Variants in GPC3 observed in about 807,000 individuals in gnomAD.
GPC3 encodes the protein glypican-3.
GPC3 carries 3 observed loss-of-function variants against 34.4 expected under a neutral mutation model. The observed-to-expected ratio is 0.09, with a 90% CI of 0.04 to 0.23. The LOEUF (loss-of-function observed/expected upper bound fraction) is 0.23. Ranked by LOEUF, GPC3 falls within the 10% of genes least tolerant of loss-of-function variation. GPC3 has a pLI of 1.00. For missense variants in GPC3, 351 were observed against 445.6 expected (o/e 0.79, Z 1.91); for synonymous variants, 177 against 174.0 (o/e 1.02, Z -0.13).
At chrX:133,833,125 T>C (rs781610192) in intron 2 of GPC3, among the ~76,000 whole-genome samples, 36 of 112,228 alleles carry the variant, frequency 3.2e-4, no homozygotes, top group African/African-American at 1.0e-3. Context: ...AGATATGTTT[T>C]TTCAGGAGGG....
chrX:133,658,007 G>A (rs961529331), intron 6 of GPC3, among the ~76,000 whole-genome samples: 2 of 110,773 alleles, frequency 1.8e-5, no homozygotes, highest in African/African-American at 6.6e-5. Flanking sequence ...ATGCAGCACC[G>A]AGCAAGGGGC....
chrX:133,908,830 A>G (rs1424097181), intron 2 of GPC3, among the ~76,000 whole-genome samples: 2 of 112,057 alleles, frequency 1.8e-5, no homozygotes, highest in African/African-American at 3.2e-5. Context: ...GCCAAGTCAC[A>G]TCTCTCATAT....
intron 1 of GPC3, among the ~76,000 whole-genome samples, chrX:133,981,397 G>A (rs1472793614): frequency 3.6e-5 from 4 of 111,852 alleles, no homozygotes; most frequent in Non-Finnish European, 7.5e-5. Flanking sequence ...TCAGCCCAAG[G>A]TGCCCCACCA....
intron 6 of GPC3, among the ~76,000 whole-genome samples, chrX:133,660,955 G>A (rs1187351719): frequency 9.0e-6 from 1 of 111,342 alleles, no homozygotes; most frequent in Non-Finnish European, 1.9e-5. Flanking sequence ...GATTGCTTGA[G>A]CCCAGGAGTT....
chrX:133,836,992 G>A (rs946737149), intron 2 of GPC3, among the ~76,000 whole-genome samples: 8 of 111,821 alleles, frequency 7.2e-5, no homozygotes, highest in African/African-American at 2.6e-4. Flanking sequence ...GTCTTACTCT[G>A]CGGGGAAAAA....
At chrX:133,627,442 C>A (rs147221431) in intron 6 of GPC3, among the ~76,000 whole-genome samples, 2 of 111,490 alleles carry the variant, frequency 1.8e-5, no homozygotes, top group Middle Eastern at 4.7e-3. Context: ...TCATTCCTAC[C>A]GTTAATATTA....
rs983907440 is a variant in GPC3, at chrX:133,574,667, C to G, written c.1573+21773G>C. Reference sequence around the variant, plus strand: ...CTGACTGTGAATTATGTGATTATGTCTGGGCCTAAGGAGAAGAGGAGTATT... The same window carrying G: ...CTGACTGTGAATTATGTGATTATGTGTGGGCCTAAGGAGAAGAGGAGTATT... On this transcript the variant is annotated intron_variant, in intron 7 of 7. Transcript: ENST00000370818. Among the ~76,000 whole-genome samples the G allele has an allele frequency of 2.7e-5, 3 of 112,135 alleles. 1 individual carries two copies. The highest frequency in any genetic ancestry group is 9.5e-5 in the Admixed American group (1 of 10,545).
chrX:133,946,807 T>C (rs1440914549), intron 2 of GPC3, among the ~76,000 whole-genome samples: 1 of 110,782 alleles, frequency 9.0e-6, no homozygotes, highest in African/African-American at 3.3e-5. Context: ...AGTTGGAATG[T>C]AGGAAAATGA....
chrX:133,670,794 C>G (rs942245119), intron 5 of GPC3, among the ~76,000 whole-genome samples: 3 of 111,965 alleles, frequency 2.7e-5, no homozygotes, highest in Non-Finnish European at 5.6e-5. Flanking sequence ...TTTTCTTTAT[C>G]CATGATACAG....
At chrX:133,578,317 C>A (rs899632594) in intron 7 of GPC3, among the ~76,000 whole-genome samples, 1 of 111,769 alleles carries the variant, frequency 8.9e-6, no homozygotes, top group Non-Finnish European at 1.9e-5. Context: ...GAGAGTTTTC[C>A]AAAATGCAAT....
intron 6 of GPC3, among the ~76,000 whole-genome samples, chrX:133,633,475 G>A (rs2070386331): frequency 8.9e-6 from 1 of 112,193 alleles, no homozygotes; most frequent in Non-Finnish European, 1.9e-5. Flanking sequence ...TATCCTGAAG[G>A]TGCTGGTCTG....
intron 6 of GPC3, among the ~76,000 whole-genome samples, chrX:133,623,436 A>G (rs1424231840): frequency 8.9e-6 from 1 of 111,876 alleles, no homozygotes; most frequent in Non-Finnish European, 1.9e-5. Flanking sequence ...AGAGACACAC[A>G]TAGGCTCAAA....
chrX:133,613,611 G>C (rs922483463), intron 6 of GPC3, among the ~76,000 whole-genome samples: 3 of 112,125 alleles, frequency 2.7e-5, no homozygotes. Flanking sequence ...AAATGTAAGA[G>C]AGTGGTTTTT....
At chrX:133,853,943 G>A (rs757685113) in intron 2 of GPC3, among the ~76,000 whole-genome samples, 5 of 111,858 alleles carry the variant, frequency 4.5e-5, no homozygotes, top group Non-Finnish European at 9.4e-5. Flanking sequence ...ACCTCTTTAA[G>A]CCTCAGTTTC....
rs779772609 is a variant in GPC3, at chrX:133,753,472, T to A, written c.1032+10A>T. 2.5e-6 allele frequency: 3 copies of A among 1,183,590 alleles called. No individual in the cohort carries two copies. In the Admixed American group the frequency reaches 6.5e-5, roughly 26 times the overall value. On this transcript the variant is annotated intron_variant, in intron 3 of 7. Transcript: ENST00000370818. The stretch of plus-strand genomic sequence containing the variant: ...CCCAAATCCTCTGACAACTGTAGAC[T>A]GGTACTCACAGTGGTGGTCAGCTTT...
chrX:133,806,485 G>T (rs1453415714), intron 2 of GPC3, among the ~76,000 whole-genome samples: 6 of 111,306 alleles, frequency 5.4e-5, no homozygotes, highest in African/African-American at 2.0e-4. Flanking sequence ...CAAGCCTGAA[G>T]AAAAAACTGG....
chrX:133,792,335 G>A (rs1380803857), intron 2 of GPC3, among the ~76,000 whole-genome samples: 3 of 111,936 alleles, frequency 2.7e-5, no homozygotes, highest in African/African-American at 6.5e-5. Context: ...CATAGTAGGT[G>A]TGAATAAATA....
At chrX:133,791,833 CT>C (rs1322070046) in intron 2 of GPC3, among the ~76,000 whole-genome samples, 7 of 98,045 alleles carry the variant, frequency 7.1e-5, no homozygotes, top group South Asian at 5.0e-4. Context: ...TCCTTCCTTC[CT>C]TCCTTCCTTC....
chrX:133,828,497 G>A (rs192822720), intron 2 of GPC3, among the ~76,000 whole-genome samples: 2 of 111,707 alleles, frequency 1.8e-5, no homozygotes, highest in Non-Finnish European at 3.8e-5. Flanking sequence ...AGGAATAGTG[G>A]AACAAGAAAA....
Sources: gnomAD v4.1 joint callset for allele counts (sites outside exome capture counted in the v4.1 genomes callset) on GRCh38, gnomAD v4.1.1 for gene constraint, MANE v1.5 for transcripts, NCBI Gene and HGNC (gene_info 2026-07-23, HGNC 2026-07-21) for gene names.